Variants in NGEF observed in about 807,000 individuals in gnomAD.
The protein encoded by NGEF is neuronal guanine nucleotide exchange factor, also known as ephexin-1.
In NGEF, 31 loss-of-function variants were observed where a neutral mutation model predicts 80.9. That is an observed-to-expected ratio of 0.38 (90% CI 0.29 to 0.52). The LOEUF (loss-of-function observed/expected upper bound fraction) is 0.52. NGEF is among the 20% of genes least tolerant of loss of function. The probability of loss-of-function intolerance (pLI) is 0.84; values close to 1 mark genes in which losing one functional copy is unlikely to be tolerated. For missense variants in NGEF, 709 were observed against 926.2 expected (o/e 0.77, Z 3.04); for synonymous variants, 371 against 370.2 (o/e 1.00, Z -0.03).
intron 2 of NGEF, among the ~76,000 whole-genome samples, chr2:232,974,280 A>G (rs1694247142): frequency 6.6e-6 from 1 of 152,134 alleles, no homozygotes; most frequent in South Asian, 2.1e-4. Flanking sequence ...GAGACAATTC[A>G]TGTTCTCAGA....
At position 232,974,747 on chromosome 2, in the gene NGEF, G is replaced by T; in HGVS notation, c.144C>A (p.Ile48=). The part of the protein sequence containing the change: ...KEETSQADQD[I]QDKEPHCHIP... ...TGTGGCAATGAGGCTCTTTGTCTTG[G>T]ATATCCTGGTCAGCTTGAGAAGTCT... The change falls in exon 2 of 15, where the codon ATC becomes ATA. Residue 48 remains isoleucine (I), a synonymous_variant. Transcript: ENST00000264051. 6.2e-7 allele frequency: 1 copy of T among 1,614,230 alleles called. No homozygotes were observed. The highest frequency in any genetic ancestry group is 8.5e-7 in the Non-Finnish European group (1 of 1,180,042).
intron 5 of NGEF, among the ~76,000 whole-genome samples, chr2:232,905,408 A>G (rs914772002): frequency 6.6e-6 from 1 of 152,142 alleles, no homozygotes; most frequent in Non-Finnish European, 1.5e-5. Flanking sequence ...TCAGTGCTCA[A>G]TGGTGCCCAG....
intron 5 of NGEF, among the ~76,000 whole-genome samples, chr2:232,896,106 G>C (rs1692050586): frequency 6.6e-6 from 1 of 152,148 alleles, no homozygotes; most frequent in African/African-American, 2.4e-5. Context: ...AGCAGAGTGG[G>C]TTGAACTGTG....
rs188736611 is a variant in NGEF at position 232,943,952 on chromosome 2, G to T, written c.384-16766C>A. On this transcript the variant is annotated intron_variant, in intron 3 of 14. Coordinates refer to ENST00000264051, the MANE Select transcript of NGEF (RefSeq NM_019850.3). ...CTAAGTAATAGAACTACAAGTGCAG[G>T]CCGGGCGCGGTGGCTCACACCTGTA... 1.8e-3 allele frequency among the ~76,000 whole-genome samples: 278 copies of T among 151,910 alleles called. 3 individuals carry two copies. The highest frequency in any genetic ancestry group is 3.4e-3 in the Non-Finnish European group (232 of 67,952).
At chr2:232,930,476 C>G (rs558086010) in intron 3 of NGEF, among the ~76,000 whole-genome samples, 36 of 152,204 alleles carry the variant, frequency 2.4e-4, no homozygotes, top group Non-Finnish European at 4.7e-4. Context: ...CCCGCCACCA[C>G]GCCTGGCTAA....
At chr2:232,961,713 G>GTCTCGA (rs1693956772) in intron 3 of NGEF, among the ~76,000 whole-genome samples, 1 of 151,998 alleles carries the variant, frequency 6.6e-6, no homozygotes, top group Non-Finnish European at 1.5e-5. Context: ...AGCCAGGATG[G>GTCTCGA]TCTCGATCTC....
intron 6 of NGEF, 58 bp from the exon 7 acceptor site, chr2:232,893,108 C>A: frequency 6.4e-7 from 1 of 1,559,752 alleles, no homozygotes; most frequent in South Asian, 1.2e-5. Flanking sequence ...GGGGAATTGT[C>A]TCACCAAGGG....
At chr2:232,900,103 CTCAG>C (rs1386803845) in intron 5 of NGEF, among the ~76,000 whole-genome samples, 42 of 148,890 alleles carry the variant, frequency 2.8e-4, no homozygotes, top group African/African-American at 9.7e-4. Context: ...GACACATGCT[CTCAG>C]TCACTCATAT....
chr2:232,998,407 C>A (rs976116380), intron 1 of NGEF, among the ~76,000 whole-genome samples: 1 of 152,140 alleles, frequency 6.6e-6, no homozygotes, highest in South Asian at 2.1e-4. Context: ...CGAGGTGGAG[C>A]ATGGCGCATG....
At chr2:232,977,403 G>A (rs779609742) in intron 1 of NGEF, among the ~76,000 whole-genome samples, 4 of 152,222 alleles carry the variant, frequency 2.6e-5, no homozygotes, top group Non-Finnish European at 4.4e-5. Flanking sequence ...CCCCAGAGAT[G>A]GGGGTGCTGC....
At chr2:232,994,416 T>G (rs1353563005) in intron 1 of NGEF, among the ~76,000 whole-genome samples, 2 of 150,864 alleles carry the variant, frequency 1.3e-5, no homozygotes, top group African/African-American at 4.9e-5. Context: ...GGGATATCAA[T>G]AGAAGTTTTG....
chr2:232,948,588 T>G (rs953980611), intron 3 of NGEF, among the ~76,000 whole-genome samples: 2 of 152,184 alleles, frequency 1.3e-5, no homozygotes, highest in African/African-American at 4.8e-5. Context: ...TGACTCTAGA[T>G]TGAGGCCATA....
At chr2:232,933,887 C>A (rs1300391919) in intron 3 of NGEF, among the ~76,000 whole-genome samples, 1 of 152,190 alleles carries the variant, frequency 6.6e-6, no homozygotes, top group Non-Finnish European at 1.5e-5. Context: ...TTCCAGGAAG[C>A]CATGGGCTCC....
chr2:233,006,096 G>A (rs546184257), intron 1 of NGEF, among the ~76,000 whole-genome samples: 21 of 152,284 alleles, frequency 1.4e-4, no homozygotes, highest in African/African-American at 4.1e-4. Flanking sequence ...GATTACAGGC[G>A]TGAGCCACTG....
intron 5 of NGEF, among the ~76,000 whole-genome samples, chr2:232,904,353 C>T (rs1003223927): frequency 1.3e-5 from 2 of 152,094 alleles, no homozygotes; most frequent in Admixed American, 6.5e-5. Flanking sequence ...CTCAGCCTCC[C>T]GAGTAGCTGG....
intron 1 of NGEF, among the ~76,000 whole-genome samples, chr2:232,976,750 G>A (rs904474551): frequency 6.6e-6 from 1 of 152,242 alleles, no homozygotes; most frequent in Admixed American, 6.5e-5. Context: ...GCTGGGCCAC[G>A]TGCAGGGGCA....
At chr2:232,910,244 G>C (rs905296015) in intron 5 of NGEF, among the ~76,000 whole-genome samples, 3 of 151,884 alleles carry the variant, frequency 2.0e-5, no homozygotes, top group African/African-American at 7.3e-5. Context: ...GGGTGGGAGG[G>C]GGGTGGATGA....
At chr2:232,888,131 T>A in intron 8 of NGEF, 24 bp from the exon 9 acceptor site, 2 of 1,553,960 alleles carry the variant, frequency 1.3e-6, no homozygotes, top group Non-Finnish European at 1.7e-6. Flanking sequence ...AAGGCTGCGT[T>A]AACTTTAATC....
intron 5 of NGEF, among the ~76,000 whole-genome samples, chr2:232,897,039 T>G (rs544961456): frequency 8.2e-5 from 7 of 85,178 alleles, no homozygotes; most frequent in Non-Finnish European, 1.4e-4. Flanking sequence ...GGAGTGGGGG[T>G]GAGGTTAGGG....
Sources: gnomAD v4.1 joint callset for allele counts (sites outside exome capture counted in the v4.1 genomes callset) on GRCh38, gnomAD v4.1.1 for gene constraint, MANE v1.5 for transcripts, NCBI Gene and HGNC (gene_info 2026-07-23, HGNC 2026-07-21) for gene names.